The following TMEM132D variants were observed in gnomAD, a reference collection of about 807,000 sequenced individuals.
TMEM132D encodes the protein mature OL transmembrane protein.
TMEM132D carries 21 observed loss-of-function variants against 62.3 expected under a neutral mutation model. The observed-to-expected ratio is 0.34, with a 90% CI of 0.24 to 0.49. The LOEUF (loss-of-function observed/expected upper bound fraction) is 0.49, where lower values mean the gene tolerates loss of function less well. Ranked by LOEUF, TMEM132D falls within the 20% of genes least tolerant of loss-of-function variation. The pLI, the probability that TMEM132D is intolerant of heterozygous loss-of-function variation, is 0.99. For synonymous variants in TMEM132D, 621 were observed against 575.6 expected (o/e 1.08, Z -1.13); for missense variants, 1,346 against 1,402.8 (o/e 0.96, Z 0.65).
At chr12:129,247,212 T>C (rs1250397646) in intron 4 of TMEM132D, among the ~76,000 whole-genome samples, 2 of 152,212 alleles carry the variant, frequency 1.3e-5, no homozygotes, top group Non-Finnish European at 2.9e-5. Flanking sequence ...TCTTTCTAAC[T>C]CTTCAAATTT....
chr12:129,263,131 T>TA, intron 4 of TMEM132D, among the ~76,000 whole-genome samples: 3 of 152,182 alleles, frequency 2.0e-5, no homozygotes, highest in African/African-American at 7.2e-5. Context: ...AGTGGTGCAC[T>TA]TCACAGAGCA....
intron 1 of TMEM132D, among the ~76,000 whole-genome samples, chr12:129,750,848 C>CAA (rs368108663): frequency 7.0e-6 from 1 of 143,612 alleles, no homozygotes; most frequent in African/African-American, 2.5e-5. Flanking sequence ...TTTGCCTCAC[C>CAA]AAAAAAAAAA....
chr12:129,267,959 G>T (rs866222315), intron 4 of TMEM132D, among the ~76,000 whole-genome samples: 3 of 152,190 alleles, frequency 2.0e-5, no homozygotes, highest in Non-Finnish European at 4.4e-5. Context: ...AATAAATGGT[G>T]CTGGGAAAAC....
chr12:129,579,665 C>G (rs1403241950), intron 2 of TMEM132D, among the ~76,000 whole-genome samples: 1 of 152,192 alleles, frequency 6.6e-6, no homozygotes, highest in Non-Finnish European at 1.5e-5. Flanking sequence ...AAATCTGCTC[C>G]TTCTATCTTC....
intron 2 of TMEM132D, among the ~76,000 whole-genome samples, chr12:129,592,207 T>C (rs756804340): frequency 1.5e-5 from 2 of 132,658 alleles, no homozygotes; most frequent in East Asian, 2.4e-4. Flanking sequence ...CTGAATATAA[T>C]GTCCATCTGA....
At chr12:129,101,086 G>A (rs11060131) in intron 5 of TMEM132D, among the ~76,000 whole-genome samples, 29,939 of 151,706 alleles carry the variant, frequency 0.2, 3,361 homozygotes, top group Non-Finnish European at 0.24. Context: ...TGCAGTCGGC[G>A]GCAGAGATTG....
chr12:129,118,377 C>T (rs182939155), intron 5 of TMEM132D, among the ~76,000 whole-genome samples: 12 of 152,318 alleles, frequency 7.9e-5, no homozygotes, highest in East Asian at 3.9e-4. Context: ...CCCAGCTCTG[C>T]GGTACATGGT....
chr12:129,574,277 G>A (rs1348239765), intron 2 of TMEM132D, among the ~76,000 whole-genome samples: 1 of 151,948 alleles, frequency 6.6e-6, no homozygotes, highest in Non-Finnish European at 1.5e-5. Context: ...ATAGAATCTA[G>A]GTGATGGGTA....
chr12:129,671,924 C>G lies in TMEM132D; in HGVS notation c.968+27886G>C, dbSNP rs190617862. On this transcript the variant is annotated intron_variant, in intron 2 of 8. Transcript: ENST00000422113. ...CACAGCAGCACAGTGGGAATCAGAC[C>G]ACCTAGGACTAAGGGTAAAATAAAA... Among the ~76,000 whole-genome samples the G allele has an allele frequency of 2.9e-4, 44 of 152,268 alleles. 1 individual carries two copies. The highest frequency in any genetic ancestry group is 1.1e-3 in the African/African-American group (44 of 41,550).
intron 3 of TMEM132D, among the ~76,000 whole-genome samples, chr12:129,421,687 C>T (rs931576216): frequency 4.5e-4 from 69 of 152,180 alleles, no homozygotes; most frequent in African/African-American, 1.6e-3. Flanking sequence ...CTTTACTTGG[C>T]TATATTTTTG....
chr12:129,642,732 C>G (rs569772337), intron 2 of TMEM132D, among the ~76,000 whole-genome samples: 1 of 152,114 alleles, frequency 6.6e-6, no homozygotes, highest in South Asian at 2.1e-4. Flanking sequence ...TACTTTGCAA[C>G]GCAACCTCAC....
intron 2 of TMEM132D, among the ~76,000 whole-genome samples, chr12:129,629,980 G>C (rs1485762293): frequency 2.0e-5 from 3 of 152,202 alleles, no homozygotes; most frequent in African/African-American, 7.2e-5. Flanking sequence ...ACTTGAAAAG[G>C]AGCTTTGCAG....
chr12:129,753,683 C>T (rs1033120771), intron 1 of TMEM132D, among the ~76,000 whole-genome samples: 3 of 152,092 alleles, frequency 2.0e-5, no homozygotes, highest in East Asian at 1.9e-4. Flanking sequence ...ACTTAAAATC[C>T]GTCAATCTCA....
At chr12:129,513,189 G>A (rs535219186) in intron 3 of TMEM132D, among the ~76,000 whole-genome samples, 2 of 152,258 alleles carry the variant, frequency 1.3e-5, no homozygotes, top group South Asian at 4.2e-4. Context: ...ACAACACAAT[G>A]GAGAAGGTCA....
intron 3 of TMEM132D, among the ~76,000 whole-genome samples, chr12:129,527,314 A>G (rs1464626520): frequency 6.6e-6 from 1 of 152,250 alleles, no homozygotes; most frequent in Non-Finnish European, 1.5e-5. Flanking sequence ...GTCTCAGGAA[A>G]CAAAACAAAA....
At chr12:129,544,981 T>C (rs1378996559) in intron 2 of TMEM132D, among the ~76,000 whole-genome samples, 1 of 152,226 alleles carries the variant, frequency 6.6e-6, no homozygotes, top group Non-Finnish European at 1.5e-5. Flanking sequence ...AAGTGACTTG[T>C]GGTTTGCGTT....
chr12:129,811,121 T>C (rs1457214632), intron 1 of TMEM132D, among the ~76,000 whole-genome samples: 1 of 151,784 alleles, frequency 6.6e-6, no homozygotes, highest in Non-Finnish European at 1.5e-5. Flanking sequence ...AACAAGAAAT[T>C]TGTCATATCT....
chr12:129,453,298 T>C (rs1043300259), intron 3 of TMEM132D, among the ~76,000 whole-genome samples: 1 of 152,212 alleles, frequency 6.6e-6, no homozygotes, highest in Admixed American at 6.5e-5. Flanking sequence ...AGCCCATATC[T>C]GCTGGCTTTT....
rs375745879 is a variant in TMEM132D, at chr12:129,802,800, C to A, written c.79+100461G>T. Among the ~76,000 whole-genome samples, 1,146 of 151,180 alleles carry A rather than the reference C, an allele frequency of 7.6e-3. 28 individuals carry two copies. Among genetic ancestry groups the A allele is most frequent in the African/African-American group, 0.027 (1,103 of 41,062 alleles). Reference sequence around the variant, plus strand: ...TGCTGTATTCAGGAAACCCATCTCACGTGCAGAGACACACATAGGCTCAAA... The same window carrying A: ...TGCTGTATTCAGGAAACCCATCTCAAGTGCAGAGACACACATAGGCTCAAA... On this transcript the variant is annotated intron_variant, in intron 1 of 8. Transcript: ENST00000422113.
Sources: allele counts gnomAD v4.1 joint callset (sites outside exome capture counted in the v4.1 genomes callset), GRCh38; gene constraint gnomAD v4.1.1; transcripts MANE v1.5; gene names NCBI Gene and HGNC (gene_info 2026-07-23, HGNC 2026-07-21).